Variants in DLGAP2 observed in about 807,000 individuals in gnomAD.
DLGAP2 encodes DLG associated protein 2, also known as disks large-associated protein 2.
In DLGAP2, 26 loss-of-function variants were observed where a neutral mutation model predicts 100.3. The ratio of observed to expected loss-of-function variants is 0.26; its 90% CI spans 0.19 to 0.36. DLGAP2 has a LOEUF of 0.36. Ranked by LOEUF, DLGAP2 falls within the 10% of genes least tolerant of loss-of-function variation. DLGAP2 has a pLI of 1.00. For missense variants in DLGAP2, 1,858 were observed against 1,453.2 expected, an observed-to-expected ratio of 1.28 and a Z score of -4.53; for synonymous variants, 886 against 630.1, an observed-to-expected ratio of 1.41 and a Z score of -6.08.
intron 3 of DLGAP2, among the ~76,000 whole-genome samples, chr8:1,360,414 G>C (rs1419771451): frequency 6.6e-6 from 1 of 152,158 alleles, no homozygotes; most frequent in Non-Finnish European, 1.5e-5. Context: ...GGAGTAGAGT[G>C]CATGGGTGTC....
At chr8:1,531,019 T>C (rs1223477027) in intron 4 of DLGAP2, among the ~76,000 whole-genome samples, 2 of 152,242 alleles carry the variant, frequency 1.3e-5, no homozygotes, top group Non-Finnish European at 2.9e-5. Flanking sequence ...CTAACATTCC[T>C]CACTTTGAAA....
intron 1 of DLGAP2, among the ~76,000 whole-genome samples, chr8:884,900 A>G (rs1185098275): frequency 6.6e-6 from 1 of 152,102 alleles, no homozygotes; most frequent in Non-Finnish European, 1.5e-5. Flanking sequence ...TCCTTTCTCC[A>G]TTACTTGTTT....
At chr8:781,657 A>G (rs750198299) in intron 1 of DLGAP2, among the ~76,000 whole-genome samples, 3 of 152,166 alleles carry the variant, frequency 2.0e-5, no homozygotes, top group Non-Finnish European at 4.4e-5. Flanking sequence ...TCGTTGTGAC[A>G]CGGTGATTTG....
At chr8:1,169,935 G>A (rs1400007661) in intron 2 of DLGAP2, among the ~76,000 whole-genome samples, 1 of 152,006 alleles carries the variant, frequency 6.6e-6, no homozygotes, top group African/African-American at 2.4e-5. Context: ...TAGGAGTGGT[G>A]AGAGAGGGCA....
chr8:1,522,821 T>C (rs1164964457), intron 4 of DLGAP2, among the ~76,000 whole-genome samples: 2 of 152,238 alleles, frequency 1.3e-5, no homozygotes, highest in Non-Finnish European at 2.9e-5. Flanking sequence ...TTATTCTCTT[T>C]AATAGCCTCA....
intron 1 of DLGAP2, among the ~76,000 whole-genome samples, chr8:770,935 G>A (rs759449896): frequency 1.2e-4 from 18 of 151,696 alleles, no homozygotes; most frequent in Non-Finnish European, 2.4e-4. Context: ...TTTTCTGTAG[G>A]GCAGGTTGAT....
intron 2 of DLGAP2, among the ~76,000 whole-genome samples, chr8:1,246,194 G>T (rs976118111): frequency 6.6e-6 from 1 of 152,214 alleles, no homozygotes; most frequent in Non-Finnish European, 1.5e-5. Context: ...TATTCAAGAT[G>T]TGGGTAATTG....
At chr8:1,442,542 G>T (rs1281577302) in intron 3 of DLGAP2, among the ~76,000 whole-genome samples, 3 of 148,486 alleles carry the variant, frequency 2.0e-5, no homozygotes, top group East Asian at 2.0e-4. Flanking sequence ...TTCAGCCACT[G>T]GGGGAGACGG....
intron 2 of DLGAP2, among the ~76,000 whole-genome samples, chr8:1,138,705 G>A (rs1390097696): frequency 2.0e-5 from 3 of 152,268 alleles, no homozygotes; most frequent in Non-Finnish European, 4.4e-5. Flanking sequence ...TCAGTCTGCA[G>A]CGGTGCCTTC....
intron 1 of DLGAP2, among the ~76,000 whole-genome samples, chr8:776,600 G>A (rs1357063866): frequency 3.9e-5 from 6 of 152,100 alleles, no homozygotes; most frequent in Admixed American, 2.0e-4. Flanking sequence ...CCTTCATTTC[G>A]TTATGTACCC....
chr8:1,066,425 C>G (rs896772772), intron 2 of DLGAP2, among the ~76,000 whole-genome samples: 1 of 149,498 alleles, frequency 6.7e-6, no homozygotes, highest in Non-Finnish European at 1.5e-5. Flanking sequence ...ACGGTCAGGT[C>G]TGAGTGAGGG....
intron 8 of DLGAP2, among the ~76,000 whole-genome samples, chr8:1,651,182 C>T (rs1310677693): frequency 6.6e-6 from 1 of 152,220 alleles, no homozygotes; most frequent in African/African-American, 2.4e-5. Context: ...TCTTCCTCCC[C>T]ACCTCTGCCT....
chr8:1,038,866 T>C (rs1585001926), intron 2 of DLGAP2, among the ~76,000 whole-genome samples: 2 of 152,242 alleles, frequency 1.3e-5, no homozygotes, highest in African/African-American at 2.4e-5. Flanking sequence ...AGGAACCTCA[T>C]TGAGACTCAG....
At chr8:1,474,477 C>G (rs781523201) in intron 3 of DLGAP2, among the ~76,000 whole-genome samples, 2 of 152,198 alleles carry the variant, frequency 1.3e-5, no homozygotes, top group Admixed American at 1.3e-4. Flanking sequence ...AGTGGTTGTA[C>G]TGGTTTACAT....
intron 3 of DLGAP2, among the ~76,000 whole-genome samples, chr8:1,359,945 C>T (rs1273595645): frequency 6.6e-6 from 1 of 152,200 alleles, no homozygotes; most frequent in Non-Finnish European, 1.5e-5. Context: ...ACAGGACCGT[C>T]CTGAGTTCGT....
At chr8:1,373,799 T>G (rs1261477950) in intron 3 of DLGAP2, 1 of 152,208 alleles carries the variant, frequency 6.6e-6, no homozygotes, top group Non-Finnish European at 1.5e-5. Flanking sequence ...GAAGGTCAGG[T>G]TCAATGCACG....
intron 3 of DLGAP2, among the ~76,000 whole-genome samples, chr8:1,489,752 G>A (rs756816747): frequency 2.3e-4 from 35 of 152,166 alleles, no homozygotes; most frequent in African/African-American, 7.2e-4. Context: ...AAACCGCATC[G>A]AGTTTGAGTA....
chr8:859,961 T>A (rs1272033105), intron 1 of DLGAP2, among the ~76,000 whole-genome samples: 1 of 152,136 alleles, frequency 6.6e-6, no homozygotes, highest in Non-Finnish European at 1.5e-5. Context: ...CTGTTGTTTG[T>A]TTGTTTGTTT....
intron 2 of DLGAP2, among the ~76,000 whole-genome samples, chr8:1,192,662 TC>T (rs1407823201): frequency 2.3e-5 from 3 of 130,660 alleles, no homozygotes; most frequent in South Asian, 5.1e-4. Flanking sequence ...GTATCTGGTT[TC>T]TTTTTTTTTT....
Sources: allele counts gnomAD v4.1 joint callset (sites outside exome capture counted in the v4.1 genomes callset), GRCh38; gene constraint gnomAD v4.1.1; transcripts MANE v1.5; gene names NCBI Gene and HGNC (gene_info 2026-07-23, HGNC 2026-07-21).